EFR3B: variants seen among roughly 807,000 people sequenced by gnomAD.
EFR3B encodes the protein EFR3 homolog B.
Under a neutral mutation model 104.7 loss-of-function variants are expected in EFR3B, and 64 were observed. The ratio of observed to expected loss-of-function variants is 0.61; its 90% CI spans 0.50 to 0.75. The LOEUF (loss-of-function observed/expected upper bound fraction) is 0.75, where lower values mean the gene tolerates loss of function less well. Ranked by LOEUF, EFR3B falls within the 30% of genes least tolerant of loss-of-function variation. The pLI is 0.00. For missense variants in EFR3B, 750 were observed against 1,078.5 expected, an observed-to-expected ratio of 0.70 and a Z score of 4.27; for synonymous variants, 385 against 417.9, an observed-to-expected ratio of 0.92 and a Z score of 0.96.
At chr2:25,085,199 G>T (rs1049596229) in intron 1 of EFR3B, among the ~76,000 whole-genome samples, 1 of 152,062 alleles carries the variant, frequency 6.6e-6, no homozygotes, top group Non-Finnish European at 1.5e-5. Flanking sequence ...GATTTCCATC[G>T]TCAAACTGTA....
In EFR3B at chr2:25,082,831, A is replaced by G. The variant is rs189469305; in HGVS notation, c.8-8494A>G. Among the ~76,000 whole-genome samples, 36 of 152,332 alleles carry G rather than the reference A, an allele frequency of 2.4e-4. No homozygotes were observed. The East Asian group carries it at 2.7e-3, about 11-fold the overall frequency. On this transcript the variant is annotated intron_variant, in intron 1 of 22. Transcript: ENST00000403714. ...AATGTGTCCATTGGTAAAAAGCACTATGAAAAGGAATAAACCAGGACAGAA... is the reference window on the plus strand; with the variant it reads ...AATGTGTCCATTGGTAAAAAGCACTGTGAAAAGGAATAAACCAGGACAGAA...
chr2:25,042,297 C>T lies in EFR3B; in HGVS notation c.-16C>T. ...GCAGCGACGCCGGCCTCTCGAGAGG[C>T]GCGCGCCCCGCCGAGATGTACGGTA... On this transcript the variant is annotated 5_prime_UTR_variant, in exon 1 of 23. Transcript: ENST00000403714. This position sits in a 1 kb window ranked among gnomAD's most constrained non-coding sequence, Gnocchi z 5.4. 7.7e-7 allele frequency: 1 copy of T among 1,291,998 alleles called. No individual in the cohort carries two copies. Among genetic ancestry groups the T allele is most frequent in the Non-Finnish European group, 9.8e-7 (1 of 1,022,282 alleles). 80.0% of individuals were successfully genotyped at this position (1,291,998 alleles called of 1,614,324 possible).
chr2:25,126,964 C>T (rs1232581549), intron 5 of EFR3B, among the ~76,000 whole-genome samples: 9 of 151,664 alleles, frequency 5.9e-5, no homozygotes, highest in African/African-American at 1.9e-4. Flanking sequence ...GAGGCTGAGG[C>T]GGGTAGATCA....
At chr2:25,056,197 G>T (rs976231820) in intron 1 of EFR3B, among the ~76,000 whole-genome samples, 12 of 152,066 alleles carry the variant, frequency 7.9e-5, no homozygotes, top group African/African-American at 2.4e-4. Context: ...AATAAATAAA[G>T]AATATATTAG....
chr2:25,111,341 GCATTTCTCCCTGGGATCACGCC>G (rs1219339336), intron 4 of EFR3B, among the ~76,000 whole-genome samples: 2 of 151,120 alleles, frequency 1.3e-5, no homozygotes, highest in Admixed American at 6.7e-5. Flanking sequence ...TCTTTTGGTG[GCATTTCTCCCTGGGATCACGCC>G]CATTTCTCCC....
intron 6 of EFR3B, 116 bp downstream of exon 6, chr2:25,128,448 C>A: frequency 7.4e-7 from 1 of 1,357,904 alleles, no homozygotes; most frequent in South Asian, 1.4e-5. Context: ...AGGGACATGG[C>A]TTTGTGGCTT....
At chr2:25,129,139 C>G (rs1670254173) in intron 6 of EFR3B, among the ~76,000 whole-genome samples, 1 of 151,920 alleles carries the variant, frequency 6.6e-6, no homozygotes, top group South Asian at 2.1e-4. Flanking sequence ...CTTGCAGATA[C>G]TGGGTTTTAA....
chr2:25,050,896 T>G (rs1440187073), intron 1 of EFR3B, among the ~76,000 whole-genome samples: 1 of 152,218 alleles, frequency 6.6e-6, no homozygotes, highest in African/African-American at 2.4e-5. Context: ...TTCCTAAACC[T>G]TGGTCTAAAT....
intron 1 of EFR3B, among the ~76,000 whole-genome samples, chr2:25,061,143 T>C (rs1668182408): frequency 2.0e-5 from 3 of 149,628 alleles, no homozygotes; most frequent in Non-Finnish European, 4.4e-5. Flanking sequence ...TTTTTTTTTT[T>C]GAAACAGTCT....
intron 3 of EFR3B, among the ~76,000 whole-genome samples, chr2:25,102,954 T>C (rs1175412278): frequency 6.6e-6 from 1 of 152,176 alleles, no homozygotes. Context: ...CATAGTACTT[T>C]ATCATGGAAC....
intron 1 of EFR3B, among the ~76,000 whole-genome samples, chr2:25,073,488 G>A (rs1333567155): frequency 2.0e-5 from 3 of 151,536 alleles, no homozygotes; most frequent in Non-Finnish European, 4.4e-5. Context: ...CTCCCAAATA[G>A]CTGGGACTAC....
Position 25,141,453 on chromosome 2 carries a change from C to A in EFR3B, c.1922+20C>A, listed in dbSNP as rs778507747. 3.2e-6 allele frequency: 5 copies of A among 1,549,988 alleles called. No individual in the cohort carries two copies. The South Asian group carries it at 4.8e-5, about 15-fold the overall frequency. ...GCCCAGGTGAGGAGAGGACGGGGGA[C>A]GTGGTCAGGGATCCCCAGGGCAGCT... On this transcript the variant is annotated intron_variant, in intron 17 of 22. Transcript: ENST00000403714.
chr2:25,109,669 A>T (rs1669668943), intron 4 of EFR3B, among the ~76,000 whole-genome samples: 1 of 152,226 alleles, frequency 6.6e-6, no homozygotes, highest in Admixed American at 6.5e-5. Context: ...CAGTTAGGTA[A>T]ATCTGTAGAG....
chr2:25,082,381 A>G (rs1023899978), intron 1 of EFR3B, among the ~76,000 whole-genome samples: 2 of 152,134 alleles, frequency 1.3e-5, no homozygotes, highest in Non-Finnish European at 2.9e-5. Context: ...GATGCCCAGT[A>G]TGTCTGCCTG....
intron 1 of EFR3B, among the ~76,000 whole-genome samples, chr2:25,061,555 G>A (rs544957318): frequency 7.9e-5 from 12 of 151,908 alleles, no homozygotes; most frequent in East Asian, 3.9e-4. Flanking sequence ...GTGCTGTGGC[G>A]TGATCTCGGC....
At chr2:25,071,164 G>A (rs530300954) in intron 1 of EFR3B, among the ~76,000 whole-genome samples, 1 of 151,770 alleles carries the variant, frequency 6.6e-6, no homozygotes, top group Non-Finnish European at 1.5e-5. Flanking sequence ...GTTTCACTGT[G>A]TTAGCCAGGA....
chr2:25,133,300 G>A (rs571529026), intron 11 of EFR3B, 83 bp from the exon 12 acceptor site: 2 of 1,425,990 alleles, frequency 1.4e-6, no homozygotes, highest in South Asian at 2.5e-5. Flanking sequence ...ATGGAGAAAC[G>A]AATTGGGGTA....
chr2:25,095,213 A>T (rs1235917788), intron 3 of EFR3B, among the ~76,000 whole-genome samples: 2 of 152,236 alleles, frequency 1.3e-5, no homozygotes, highest in African/African-American at 4.8e-5. Flanking sequence ...TCAGTGAATT[A>T]TGGTGTATGT....
chr2:25,062,806 C>G (rs1668231936), intron 1 of EFR3B, among the ~76,000 whole-genome samples: 1 of 152,258 alleles, frequency 6.6e-6, no homozygotes, highest in East Asian at 1.9e-4. Context: ...ATTGGCGTTG[C>G]TGACTCTCAG....
Sources: gnomAD v4.1 joint callset for allele counts (sites outside exome capture counted in the v4.1 genomes callset) on GRCh38, gnomAD v4.1.1 for gene constraint, Gnocchi (gnomAD v3.1) non-coding constraint, MANE v1.5 for transcripts, NCBI Gene and HGNC (gene_info 2026-07-23, HGNC 2026-07-21) for gene names.